DCBLD1: variants seen among roughly 807,000 people sequenced by gnomAD.
DCBLD1 encodes discoidin, CUB and LCCL domain-containing protein 1.
DCBLD1 carries 57 observed loss-of-function variants against 71.5 expected under a neutral mutation model. The observed-to-expected ratio is 0.80, with a 90% CI of 0.64 to 0.99. The LOEUF is 0.99. Among genes scored for constraint, DCBLD1 ranks in the 50% least tolerant of loss-of-function variants. The pLI is 0.00. For synonymous variants in DCBLD1, 380 were observed against 363.8 expected (o/e 1.04, Z -0.51); for missense variants, 891 against 923.5 (o/e 0.96, Z 0.46).
chr6:117,488,819 C>G (rs1777181644), intron 1 of DCBLD1, among the ~76,000 whole-genome samples: 1 of 152,168 alleles, frequency 6.6e-6, no homozygotes, highest in South Asian at 2.1e-4. Context: ...TTTAGGGTAT[C>G]AGGGGCCTAC....
chr6:117,545,697 A>G (rs1779245717), intron 14 of DCBLD1, 100 bp downstream of exon 14: 2 of 1,476,076 alleles, frequency 1.4e-6, no homozygotes, highest in Non-Finnish European at 1.8e-6. Flanking sequence ...TTCTATTTAG[A>G]TAGGGTCCAG....
chr6:117,561,832 C>A (rs1360313774), intron 14 of DCBLD1: 1 of 206,504 alleles, frequency 4.8e-6, no homozygotes, highest in Non-Finnish European at 9.9e-6. Context: ...TTATAAATAG[C>A]AAAACCACAA....
chr6:117,542,564 T>C (rs1366316788), intron 11 of DCBLD1, among the ~76,000 whole-genome samples: 1 of 152,028 alleles, frequency 6.6e-6, no homozygotes, highest in African/African-American at 2.4e-5. Flanking sequence ...CAGGAAAACA[T>C]GATGTGGTGT....
intron 1 of DCBLD1, among the ~76,000 whole-genome samples, chr6:117,495,748 G>T (rs150299394): frequency 6.6e-6 from 1 of 152,330 alleles, no homozygotes; most frequent in East Asian, 1.9e-4. Context: ...ACTGGAGAGT[G>T]ACCAAAAACT....
chr6:117,560,633 T>A (rs1240874640), intron 14 of DCBLD1: 1 of 195,464 alleles, frequency 5.1e-6, no homozygotes, highest in East Asian at 8.0e-5. Flanking sequence ...TCACAAAATT[T>A]TCGTCTTTCT....
chr6:117,546,448 T>A (rs1779267786), intron 14 of DCBLD1, among the ~76,000 whole-genome samples: 1 of 152,166 alleles, frequency 6.6e-6, no homozygotes, highest in Non-Finnish European at 1.5e-5. Flanking sequence ...GTGACGCCTG[T>A]GCACATCAGT....
chr6:117,563,133 C>CCCG, intron 14 of DCBLD1: 1 of 837,872 alleles, frequency 1.2e-6, no homozygotes, highest in South Asian at 1.6e-5. Context: ...CCCTGAGGTA[C>CCCG]CCGCCTTTCA....
intron 1 of DCBLD1, among the ~76,000 whole-genome samples, chr6:117,497,087 C>T (rs553910869): frequency 2.0e-5 from 3 of 152,102 alleles, no homozygotes; most frequent in East Asian, 1.9e-4. Context: ...CCCAGCTAAT[C>T]GGGATGCTGA....
At chr6:117,541,102 T>A (rs1380891339) in intron 11 of DCBLD1, 77 bp downstream of exon 11, 1 of 1,424,370 alleles carries the variant, frequency 7.0e-7, no homozygotes, top group Non-Finnish European at 9.7e-7. Flanking sequence ...TCAACAAAAT[T>A]TCTTTTTCTC....
At chr6:117,535,931 C>T (rs1300146930) in intron 6 of DCBLD1, among the ~76,000 whole-genome samples, 2 of 152,106 alleles carry the variant, frequency 1.3e-5, no homozygotes, top group East Asian at 1.9e-4. Context: ...TCTGAGTTTT[C>T]TCATGTAAGT....
chr6:117,547,875 C>A (rs1779322602), intron 14 of DCBLD1, 32 bp from the exon 15 acceptor site: 2 of 1,550,260 alleles, frequency 1.3e-6, no homozygotes, highest in Non-Finnish European at 1.7e-6. Flanking sequence ...GTGTGTGGTG[C>A]CCGCTAGCTG....
intron 2 of DCBLD1, among the ~76,000 whole-genome samples, chr6:117,514,760 G>T (rs11755719): frequency 0.026 from 3,948 of 152,204 alleles, 78 homozygotes; most frequent in East Asian, 0.051. Flanking sequence ...TCTTTGATCT[G>T]CTTCCAGAAA....
At chr6:117,565,421 A>T (rs1368993656) in intron 14 of DCBLD1, among the ~76,000 whole-genome samples, 1 of 152,210 alleles carries the variant, frequency 6.6e-6, no homozygotes, top group Non-Finnish European at 1.5e-5. Flanking sequence ...TTGAAACCTT[A>T]TCAGTGAACT....
intron 6 of DCBLD1, among the ~76,000 whole-genome samples, chr6:117,535,571 A>C (rs2114533608): frequency 6.6e-6 from 1 of 152,320 alleles, no homozygotes; most frequent in East Asian, 1.9e-4. Flanking sequence ...TAACGGAGGA[A>C]AGCCAGGCAG....
At chr6:117,514,989 A>C (rs557561491) in intron 2 of DCBLD1, among the ~76,000 whole-genome samples, 1 of 150,936 alleles carries the variant, frequency 6.6e-6, no homozygotes, top group Non-Finnish European at 1.5e-5. Flanking sequence ...ACTGATAATC[A>C]ATTTAGACTT....
intron 14 of DCBLD1, chr6:117,563,503 C>T (rs1175819290): frequency 2.2e-6 from 2 of 904,852 alleles, no homozygotes; most frequent in East Asian, 4.9e-5. Flanking sequence ...GGGTGGATAA[C>T]CTGAGGTTAG....
exon 15 of DCBLD1, chr6:117,569,849 T>C (rs1261486008): frequency 1.7e-6 from 2 of 1,162,506 alleles, no homozygotes; most frequent in Non-Finnish European, 2.3e-6. Flanking sequence ...ACCTATGCTG[T>C]CTCTATAAAT....
chr6:117,491,500 T>C (rs1386047865), intron 1 of DCBLD1, among the ~76,000 whole-genome samples: 1 of 152,210 alleles, frequency 6.6e-6, no homozygotes, highest in Non-Finnish European at 1.5e-5. Context: ...ACTAAAAATT[T>C]ATTAAGGATT....
intron 14 of DCBLD1, chr6:117,563,500 T>A: frequency 3.3e-6 from 3 of 909,058 alleles, no homozygotes; most frequent in Non-Finnish European, 5.2e-6. Flanking sequence ...GGTGGGTGGA[T>A]AACCTGAGGT....
Sources: allele counts gnomAD v4.1 joint callset (sites outside exome capture counted in the v4.1 genomes callset), GRCh38; gene constraint gnomAD v4.1.1; transcripts MANE v1.5; gene names NCBI Gene and HGNC (gene_info 2026-07-23, HGNC 2026-07-21).